SCRN1: variants seen among roughly 807,000 people sequenced by gnomAD.
The protein encoded by SCRN1 is secernin 1, also known as secernin-1.
A neutral mutation model predicts 43.3 loss-of-function variants in SCRN1; 19 were observed. That is an observed-to-expected ratio of 0.44 (90% CI 0.31 to 0.64). SCRN1 has a LOEUF of 0.64. Ranked by LOEUF, SCRN1 falls within the 30% of genes least tolerant of loss-of-function variation. The probability of loss-of-function intolerance (pLI) is 0.09; values close to 1 mark genes in which losing one functional copy is unlikely to be tolerated. For missense variants in SCRN1, 447 were observed against 524.1 expected, an observed-to-expected ratio of 0.85 and a Z score of 1.44; for synonymous variants, 183 against 188.9, an observed-to-expected ratio of 0.97 and a Z score of 0.26.
At chr7:29,954,278 G>A (rs1218162576) in intron 3 of SCRN1, among the ~76,000 whole-genome samples, 3 of 151,970 alleles carry the variant, frequency 2.0e-5, no homozygotes, top group Non-Finnish European at 4.4e-5. Flanking sequence ...GAGGAAAGGA[G>A]GGAAGTGATC....
Position 29,926,455 on chromosome 7 carries a change from G to A in SCRN1, c.1083C>T (p.Asp361=), listed in dbSNP as rs764519555. 2 of 1,611,446 alleles carry A rather than the reference G, an allele frequency of 1.2e-6. No individual in the cohort carries two copies. Among genetic ancestry groups the A allele is most frequent in the Non-Finnish European group, 8.5e-7 (1 of 1,178,464 alleles). Residue 361 remains aspartate (D), a synonymous_variant, in exon 7 of 8, where the codon GAC becomes GAT. Transcript: ENST00000242059. ...HEWARAIIES[D]QEQGRKLRST... is the part of the protein sequence containing the mutation. Reference sequence around the variant, plus strand: ...TGTGGCCCTCATGCAAGCTCACCTGGTCACTTTCGATGATGGCACGTGCCC... The same window carrying A: ...TGTGGCCCTCATGCAAGCTCACCTGATCACTTTCGATGATGGCACGTGCCC...
intron 5 of SCRN1, among the ~76,000 whole-genome samples, chr7:29,937,894 A>C (rs1041119720): frequency 5.9e-5 from 9 of 152,228 alleles, no homozygotes; most frequent in Non-Finnish European, 8.8e-5. Context: ...TGTCATACCT[A>C]GAAATATTAA....
In SCRN1 at chr7:29,923,219, G is replaced by C. The variant is rs1406836270; in HGVS notation, c.*738C>G. 2 of 152,248 alleles carry C rather than the reference G, an allele frequency of 1.3e-5. No homozygotes were observed. Among genetic ancestry groups the C allele is most frequent in the Admixed American group, 1.3e-4 (2 of 15,286 alleles). The allele number at this position is 152,248 out of a possible 1,614,324, so 9.4% of individuals were successfully genotyped here. On this transcript the variant is annotated 3_prime_UTR_variant, in exon 8 of 8. Transcript: ENST00000242059. The stretch of plus-strand genomic sequence containing the variant: ...AGTGATTCAGAAGGCCACCAGCATG[G>C]CTATGTCTGAATCTCGGAAGTGAAT...
intron 1 of SCRN1, among the ~76,000 whole-genome samples, chr7:29,977,443 T>G (rs1788867874): frequency 6.6e-6 from 1 of 152,238 alleles, no homozygotes; most frequent in African/African-American, 2.4e-5. Context: ...GTTTTAAACC[T>G]TCTATTGAAA....
At chr7:29,938,911 A>C (rs902046745) in intron 5 of SCRN1, among the ~76,000 whole-genome samples, 2 of 152,042 alleles carry the variant, frequency 1.3e-5, no homozygotes, top group Non-Finnish European at 2.9e-5. Flanking sequence ...GGTCTCCCCA[A>C]CCAAGCTGGT....
At chr7:29,946,184 G>A (rs1181906266) in intron 3 of SCRN1, among the ~76,000 whole-genome samples, 2 of 152,214 alleles carry the variant, frequency 1.3e-5, no homozygotes, top group Admixed American at 6.5e-5. Context: ...CCTTAGGAGA[G>A]GGATAAAAGA....
intron 3 of SCRN1, among the ~76,000 whole-genome samples, chr7:29,946,964 T>A (rs1215424376): frequency 6.6e-6 from 1 of 152,216 alleles, no homozygotes; most frequent in Non-Finnish European, 1.5e-5. Flanking sequence ...GTTAAAGCCA[T>A]TCCCAACAGT....
chr7:29,943,348 C>G (rs559134407), intron 4 of SCRN1, among the ~76,000 whole-genome samples: 1 of 152,240 alleles, frequency 6.6e-6, no homozygotes, highest in Non-Finnish European at 1.5e-5. Context: ...AACTACCACT[C>G]CCACCCCTAA....
chr7:29,958,869 GC>G (rs1186360485), intron 2 of SCRN1, among the ~76,000 whole-genome samples: 2 of 152,182 alleles, frequency 1.3e-5, no homozygotes, highest in African/African-American at 4.8e-5. Flanking sequence ...TGTCAGCACT[GC>G]CCAGTGCTAA....
chr7:29,929,372 A>G (rs1396415264), intron 6 of SCRN1, among the ~76,000 whole-genome samples: 2 of 152,190 alleles, frequency 1.3e-5, no homozygotes, highest in African/African-American at 4.8e-5. Context: ...GAGCCTACTG[A>G]GCAGGCCCCA....
At chr7:29,963,403 G>C (rs1157988342) in intron 2 of SCRN1, among the ~76,000 whole-genome samples, 1 of 152,206 alleles carries the variant, frequency 6.6e-6, no homozygotes, top group African/African-American at 2.4e-5. Context: ...AAGTAGATGA[G>C]AGGAGGGGAG....
chr7:29,966,159 C>CAG (rs58247318), intron 2 of SCRN1, among the ~76,000 whole-genome samples: 13,997 of 84,240 alleles, frequency 0.17, 1,432 homozygotes, highest in East Asian at 0.41. Context: ...GACCGAGAGA[C>CAG]AGAGAGAGAG....
At chr7:29,930,310 G>C (rs1787115249) in intron 6 of SCRN1, among the ~76,000 whole-genome samples, 1 of 152,138 alleles carries the variant, frequency 6.6e-6, no homozygotes, top group Non-Finnish European at 1.5e-5. Flanking sequence ...TTCATCATTT[G>C]TGTCTATGTA....
At chr7:29,932,697 G>A (rs1427795580) in intron 6 of SCRN1, among the ~76,000 whole-genome samples, 1 of 146,794 alleles carries the variant, frequency 6.8e-6, no homozygotes, top group Non-Finnish European at 1.5e-5. Flanking sequence ...ACACTGAGAG[G>A]AGAAGAGGAG....
intron 1 of SCRN1, among the ~76,000 whole-genome samples, chr7:29,977,133 ATAAC>A: frequency 6.6e-6 from 1 of 152,340 alleles, no homozygotes; most frequent in Non-Finnish European, 1.5e-5. Flanking sequence ...GAGAAAGAAA[ATAAC>A]TGTCTATATA....
intron 2 of SCRN1, among the ~76,000 whole-genome samples, chr7:29,960,975 G>T (rs945832342): frequency 7.3e-5 from 11 of 151,564 alleles, no homozygotes; most frequent in African/African-American, 2.4e-4. Context: ...AAATTGGGAT[G>T]TTCCAATCGC....
chr7:29,970,177 T>C (rs1405293018), intron 1 of SCRN1, among the ~76,000 whole-genome samples: 2 of 152,228 alleles, frequency 1.3e-5, no homozygotes, highest in East Asian at 3.8e-4. Flanking sequence ...CTGCTTAAAA[T>C]ACTTCAGCAG....
intron 1 of SCRN1, among the ~76,000 whole-genome samples, chr7:29,974,655 A>G (rs566539021): frequency 4.6e-5 from 7 of 151,806 alleles, no homozygotes; most frequent in South Asian, 2.1e-4. Flanking sequence ...GCATTTTAAA[A>G]TATTTGTTTA....
chr7:29,979,574 A>G (rs1788938162), intron 1 of SCRN1, among the ~76,000 whole-genome samples: 2 of 152,230 alleles, frequency 1.3e-5, no homozygotes, highest in South Asian at 4.1e-4. Context: ...GTTGGGACAC[A>G]CTTGAATTCA....
Sources: allele counts gnomAD v4.1 joint callset (sites outside exome capture counted in the v4.1 genomes callset), GRCh38; gene constraint gnomAD v4.1.1; transcripts MANE v1.5; gene names NCBI Gene and HGNC (gene_info 2026-07-23, HGNC 2026-07-21).